Variants in CDH7 observed in about 807,000 individuals in gnomAD.
The protein encoded by CDH7 is cadherin 7.
In CDH7, 25 loss-of-function variants were observed where a neutral mutation model predicts 71.8. That is an observed-to-expected ratio of 0.35 (90% CI 0.25 to 0.49). The LOEUF (loss-of-function observed/expected upper bound fraction) is 0.49. Ranked by LOEUF, CDH7 falls within the 20% of genes least tolerant of loss-of-function variation. The pLI is 0.99. For missense variants in CDH7, 862 were observed against 974.6 expected (o/e 0.88, Z 1.54); for synonymous variants, 381 against 363.8 (o/e 1.05, Z -0.54).
intron 6 of CDH7, among the ~76,000 whole-genome samples, chr18:65,837,653 G>A (rs1912577886): frequency 6.6e-6 from 1 of 152,074 alleles, no homozygotes; most frequent in South Asian, 2.1e-4. Context: ...TCTAAAGAGA[G>A]GTCAGGGGCC....
rs1211731706 is a variant in CDH7, at chr18:65,814,556, T to C, written c.577T>C (p.Tyr193His). The change falls in exon 4 of 12, where the codon TAC becomes CAC. Residue 193 changes from tyrosine to histidine, a missense_variant. By Grantham distance (83) the Tyr-to-His change is moderately conservative. Transcript: ENST00000397968. ...ATATGGCAACAGTGCCAGAGTGGTC[T>C]ACAGTATTCTGCAAGGACAGCCGTA... ...PTYGNSARVV[Y>H]SILQGQPYFS... 6.2e-7 allele frequency: 1 copy of C among 1,613,744 alleles called. No homozygotes were observed. Among genetic ancestry groups the C allele is most frequent in the Admixed American group, 1.7e-5 (1 of 60,018 alleles).
chr18:65,811,816 G>A (rs903418795), intron 3 of CDH7, among the ~76,000 whole-genome samples: 2 of 151,956 alleles, frequency 1.3e-5, no homozygotes, highest in Admixed American at 1.3e-4. Context: ...AGCTAATAGT[G>A]CACTGTTGTT....
chr18:65,814,363 C>T (rs1012452747), intron 3 of CDH7, 122 bp from the exon 4 acceptor site: 2 of 1,082,432 alleles, frequency 1.8e-6, no homozygotes, highest in East Asian at 2.4e-5. Context: ...TTTTATGTGT[C>T]TTGAAAAAGA....
intron 3 of CDH7, among the ~76,000 whole-genome samples, chr18:65,812,285 A>G (rs1911572356): frequency 6.6e-6 from 1 of 152,028 alleles, no homozygotes; most frequent in Non-Finnish European, 1.5e-5. Flanking sequence ...AATAATTTAT[A>G]TTTAAGTTAT....
At chr18:65,834,605 A>G (rs539988498) in intron 6 of CDH7, among the ~76,000 whole-genome samples, 71 of 152,374 alleles carry the variant, frequency 4.7e-4, no homozygotes, top group African/African-American at 7.0e-4. Flanking sequence ...TTATATTTAG[A>G]TGAATAGAAG....
intron 6 of CDH7, among the ~76,000 whole-genome samples, chr18:65,836,837 T>C (rs1355436261): frequency 3.9e-5 from 6 of 152,178 alleles, no homozygotes; most frequent in African/African-American, 1.4e-4. Flanking sequence ...TGTAAATCAG[T>C]AAATCTCTAT....
chr18:65,862,972 C>T, intron 11 of CDH7, 55 bp downstream of exon 11: 1 of 1,556,952 alleles, frequency 6.4e-7, no homozygotes, highest in Non-Finnish European at 8.8e-7. Flanking sequence ...AACCACATGT[C>T]ACGACTTGCC....
chr18:65,822,970 A>G (rs958796706), intron 5 of CDH7, among the ~76,000 whole-genome samples: 1 of 151,694 alleles, frequency 6.6e-6, no homozygotes, highest in Non-Finnish European at 1.5e-5. Flanking sequence ...TGTATGTGTT[A>G]TTTCTTTAGA....
chr18:65,874,089 G>A (rs1311307116), intron 11 of CDH7, among the ~76,000 whole-genome samples: 1 of 152,102 alleles, frequency 6.6e-6, no homozygotes, highest in Non-Finnish European at 1.5e-5. Context: ...TCTGTAGAAA[G>A]CAAAGTCACT....
Position 65,824,751 on chromosome 18 carries a change from A to G in CDH7, c.901A>G (p.Ile301Val). The G allele has an allele frequency of 6.2e-7, 1 of 1,612,676 alleles. No individual in the cohort carries two copies. The highest frequency in any genetic ancestry group is 1.1e-5 in the South Asian group (1 of 91,040). ...AGCTAATGCTGAAATGGAGTACAAG[A>G]TTGTGGATGGTGATGGTTTGGGCAT... ...IGANAEMEYK[I>V]VDGDGLGIFK... is the part of the protein sequence containing the mutation. Residue 301 changes from isoleucine to valine, a missense_variant, in exon 6 of 12, where the codon ATT (isoleucine) becomes GTT (valine). By Grantham distance (29) the Ile-to-Val change is conservative. Coordinates refer to ENST00000397968, the MANE Select transcript of CDH7 (RefSeq NM_004361.5).
rs10696115 is a variant in CDH7 at position 65,869,545 on chromosome 18, A to ATTTTT, written c.1864+6649_1864+6653dup. Among the ~76,000 whole-genome samples, 432 of 91,394 alleles carry ATTTTT rather than the reference A, an allele frequency of 4.7e-3. 11 individuals carry two copies. The highest frequency in any genetic ancestry group is 0.014 in the African/African-American group (313 of 22,376). The allele number at this position is 91,394 out of a possible 152,430, so 60.0% of individuals were successfully genotyped here. On this transcript the variant is annotated intron_variant, in intron 11 of 11. Coordinates refer to ENST00000397968, the MANE Select transcript of CDH7 (RefSeq NM_004361.5). Reference sequence around the variant, plus strand: ...CTTCCCATAATCTACAAGTGGGTCAATTTTTTTTTTTTTTTTTTTTTTTTT... The same window carrying ATTTTT: ...CTTCCCATAATCTACAAGTGGGTCAATTTTTTTTTTTTTTTTTTTTTTTTTTTTTT...
At chr18:65,842,014 T>C (rs956075824) in intron 6 of CDH7, among the ~76,000 whole-genome samples, 1 of 152,296 alleles carries the variant, frequency 6.6e-6, no homozygotes, top group East Asian at 1.9e-4. Context: ...TAAAACTTTT[T>C]TGTTCTGCAG....
At chr18:65,791,390 A>G (rs1441375851) in intron 2 of CDH7, among the ~76,000 whole-genome samples, 1 of 152,174 alleles carries the variant, frequency 6.6e-6, no homozygotes, top group Non-Finnish European at 1.5e-5. Context: ...TTTATTTAAT[A>G]TTATGTGGTT....
intron 2 of CDH7, among the ~76,000 whole-genome samples, chr18:65,799,233 A>T (rs565215428): frequency 1.3e-5 from 2 of 152,160 alleles, no homozygotes; most frequent in African/African-American, 4.8e-5. Flanking sequence ...ACCTACGAGG[A>T]TTGTGACACT....
At chr18:65,790,385 T>C (rs1449981168) in intron 2 of CDH7, among the ~76,000 whole-genome samples, 1 of 151,812 alleles carries the variant, frequency 6.6e-6, no homozygotes, top group African/African-American at 2.4e-5. Context: ...TAAAGAAGAG[T>C]AGACTGTAAG....
chr18:65,879,526 C>A (rs375773271), intron 11 of CDH7, among the ~76,000 whole-genome samples: 4 of 152,048 alleles, frequency 2.6e-5, no homozygotes, highest in African/African-American at 9.7e-5. Flanking sequence ...CAAATGTATT[C>A]CCAATTCAAG....
In CDH7 at chr18:65,855,986, T is replaced by C. The variant is rs555387451; in HGVS notation, c.1236-1830T>C. ...AGAAATTAAAGAAGAAAAAACACAC[T>C]GTCAGATCAATTGAAAAAAAAAATG... On this transcript the variant is annotated intron_variant, in intron 7 of 11. Transcript: ENST00000397968. Among the ~76,000 whole-genome samples, 11 of 151,512 alleles carry C rather than the reference T, an allele frequency of 7.3e-5. No individual in the cohort carries two copies. In the South Asian group the frequency reaches 2.1e-3, roughly 29 times the overall value.
At chr18:65,863,720 T>TAAATACTA (rs927955595) in intron 11 of CDH7, 31 of 152,342 alleles carry the variant, frequency 2.0e-4, no homozygotes, top group Admixed American at 1.8e-3. Flanking sequence ...TTTAAAGTAT[T>TAAATACTA]AAATACTAAC....
At chr18:65,771,378 G>A (rs1266740656) in intron 2 of CDH7, among the ~76,000 whole-genome samples, 2 of 152,112 alleles carry the variant, frequency 1.3e-5, no homozygotes, top group East Asian at 1.9e-4. Context: ...AGTGGCTCAC[G>A]CATGTAATCC....
Sources: allele counts gnomAD v4.1 joint callset (sites outside exome capture counted in the v4.1 genomes callset), GRCh38; gene constraint gnomAD v4.1.1; transcripts MANE v1.5; gene names NCBI Gene and HGNC (gene_info 2026-07-23, HGNC 2026-07-21).